The following EZH2 variants were observed in gnomAD, a reference collection of about 807,000 sequenced individuals.
EZH2 encodes the protein enhancer of zeste 2 polycomb repressive complex 2 subunit.
EZH2 carries 18 observed loss-of-function variants against 98.4 expected under a neutral mutation model. The observed-to-expected ratio is 0.18, with a 90% CI of 0.13 to 0.27. The LOEUF (loss-of-function observed/expected upper bound fraction) is 0.27. Ranked by LOEUF, EZH2 falls within the 10% of genes least tolerant of loss-of-function variation. The pLI is 1.00. For missense variants in EZH2, 470 were observed against 935.1 expected (o/e 0.50, Z 6.49); for synonymous variants, 338 against 312.3 (o/e 1.08, Z -0.87).
Position 148,828,753 on chromosome 7 carries a change from C to A in EZH2, c.612G>T (p.Glu204Asp). 1 of 1,613,412 alleles carries A rather than the reference C, an allele frequency of 6.2e-7. No individual in the cohort carries two copies. The highest frequency in any genetic ancestry group is 8.5e-7 in the Non-Finnish European group (1 of 1,179,912). The change falls in exon 6 of 20, where the codon GAG becomes GAT. Residue 204 changes from glutamate to aspartate, a missense_variant. Transcript: ENST00000320356. ...AATCAGGCATACCATCTCGGTGATC[C>A]TCCAGATCTTTCTGCTTTTCTTCTC... ...EEREEKQKDLEDHRDDKESRP... is the reference protein window; with the variant it reads ...EEREEKQKDLDDHRDDKESRP...
At position 148,807,522 on chromosome 7, in the gene EZH2, T is replaced by G; in HGVS notation, c.*124A>C. 2 of 761,820 alleles carry G rather than the reference T, an allele frequency of 2.6e-6. No individual in the cohort carries two copies. Among genetic ancestry groups the G allele is most frequent in the Non-Finnish European group, 4.4e-6 (2 of 452,178 alleles). 47.2% of individuals were successfully genotyped at this position (761,820 alleles called of 1,614,324 possible). On this transcript the variant is annotated 3_prime_UTR_variant, in exon 20 of 20. Transcript: ENST00000320356. ...TTTTAAACTCATTACTATAAATTAT[T>G]CTTACAGTACTTTGCAAATTCAGAA...
At chr7:148,869,163 A>G (rs895563981) in intron 1 of EZH2, among the ~76,000 whole-genome samples, 1 of 144,470 alleles carries the variant, frequency 6.9e-6, no homozygotes, top group African/African-American at 2.9e-5. Context: ...AACTTGATAA[A>G]GAATTTGGGA....
At chr7:148,845,909 T>G (rs754214742) in intron 3 of EZH2, among the ~76,000 whole-genome samples, 13 of 152,196 alleles carry the variant, frequency 8.5e-5, no homozygotes, top group Non-Finnish European at 1.3e-4. Context: ...TAATTATAGA[T>G]TCTACCATAG....
rs146258060 is a variant in EZH2 at position 148,835,860 on chromosome 7, T to C, written c.247-3110A>G. 1.1e-4 allele frequency among the ~76,000 whole-genome samples: 16 copies of C among 152,330 alleles called. No homozygotes were observed. In the East Asian group the frequency reaches 2.9e-3, roughly 28 times the overall value. Reference sequence around the variant, plus strand: ...AAGAAGGAGCATTGGCTTTGCTTCATCTATGGTTGCTCTAGTGATACAGCA... The same window carrying C: ...AAGAAGGAGCATTGGCTTTGCTTCACCTATGGTTGCTCTAGTGATACAGCA... On this transcript the variant is annotated intron_variant, in intron 3 of 19. Coordinates refer to ENST00000320356, the MANE Select transcript of EZH2 (RefSeq NM_004456.5).
At chr7:148,810,092 G>A in intron 17 of EZH2, 3 of 393,996 alleles carry the variant, frequency 7.6e-6, no homozygotes, top group Non-Finnish European at 1.4e-5. Context: ...CCAGATGCTG[G>A]GATAGTGCCA....
chr7:148,866,674 G>A (rs1269842482), intron 1 of EZH2, among the ~76,000 whole-genome samples: 2 of 144,040 alleles, frequency 1.4e-5, no homozygotes, highest in African/African-American at 2.6e-5. Context: ...GCATATATAT[G>A]TACGTATATG....
rs770102474 is a variant in EZH2, at chr7:148,817,938, C to G, written c.1179G>C (p.Thr393=). The change falls in exon 10 of 20, where the codon ACG becomes ACC. Residue 393 remains threonine, a synonymous_variant. Coordinates refer to ENST00000320356, the MANE Select transcript of EZH2 (RefSeq NM_004456.5). ...CTTCTTTATCATTGTTCTCTCCCCC[C>G]GTTTCAGTCCCTGCTTCCCTATCAC... ...TDSDREAGTE[T]GGENNDKEEE... is the part of the protein sequence containing the mutation. 3.9e-5 allele frequency: 63 copies of G among 1,614,032 alleles called. No homozygotes were observed. Among genetic ancestry groups the G allele is most frequent in the South Asian group, 3.4e-4 (31 of 91,080 alleles).
At chr7:148,825,212 A>T (rs1219175722) in intron 8 of EZH2, among the ~76,000 whole-genome samples, 7 of 152,214 alleles carry the variant, frequency 4.6e-5, no homozygotes, top group Admixed American at 4.6e-4. Context: ...GTAATTCATA[A>T]ATTCATGGTG....
chr7:148,866,914 A>G (rs1357851132), intron 1 of EZH2, among the ~76,000 whole-genome samples: 1 of 149,732 alleles, frequency 6.7e-6, no homozygotes, highest in Non-Finnish European at 1.5e-5. Context: ...GGGTTTCACC[A>G]TGTTGGCCAG....
chr7:148,874,437 T>A (rs1819897080), intron 1 of EZH2, among the ~76,000 whole-genome samples: 1 of 151,756 alleles, frequency 6.6e-6, no homozygotes, highest in East Asian at 1.9e-4. Context: ...TAATACTAAT[T>A]CAGAGAGTTT....
chr7:148,813,343 A>G (rs1294856067), intron 15 of EZH2, among the ~76,000 whole-genome samples: 1 of 152,034 alleles, frequency 6.6e-6, no homozygotes, highest in Non-Finnish European at 1.5e-5. Flanking sequence ...AAAAAAAAAA[A>G]AGATACGAAA....
chr7:148,814,400 CTGGA>C (rs2129469942), intron 14 of EZH2, among the ~76,000 whole-genome samples: 1 of 152,270 alleles, frequency 6.6e-6, no homozygotes, highest in Non-Finnish European at 1.5e-5. Flanking sequence ...AATAAAGGGT[CTGGA>C]TGGAACAATA....
intron 8 of EZH2, among the ~76,000 whole-genome samples, chr7:148,820,239 C>T (rs1043475948): frequency 1.3e-5 from 2 of 152,040 alleles, no homozygotes; most frequent in African/African-American, 4.8e-5. Flanking sequence ...CAGAAAATTA[C>T]AATGTCAAAA....
At chr7:148,848,731 C>G (rs1026683368) in intron 1 of EZH2, among the ~76,000 whole-genome samples, 2 of 152,244 alleles carry the variant, frequency 1.3e-5, no homozygotes, top group African/African-American at 4.8e-5. Flanking sequence ...TTATTAAATC[C>G]TTGCCCCTAT....
intron 8 of EZH2, 24 bp downstream of exon 8, chr7:148,826,430 C>T (rs772193985): frequency 6.6e-7 from 1 of 1,526,056 alleles, no homozygotes; most frequent in East Asian, 2.3e-5. Flanking sequence ...AATTCCACAA[C>T]AAAGATAGAA....
At chr7:148,811,434 G>A (rs892887726) in intron 16 of EZH2, among the ~76,000 whole-genome samples, 191 bp downstream of exon 16, 16 of 152,044 alleles carry the variant, frequency 1.1e-4, no homozygotes, top group East Asian at 3.9e-4. Context: ...TGCAGGAGTC[G>A]GCCACCGCGC....
At chr7:148,878,569 T>C (rs1297624222) in intron 1 of EZH2, among the ~76,000 whole-genome samples, 2 of 152,212 alleles carry the variant, frequency 1.3e-5, no homozygotes, top group Non-Finnish European at 2.9e-5. Flanking sequence ...TTTTGTTAAT[T>C]CGCCTGTTGG....
intron 3 of EZH2, among the ~76,000 whole-genome samples, chr7:148,833,335 T>C (rs1452571049): frequency 6.6e-6 from 1 of 151,472 alleles, no homozygotes; most frequent in East Asian, 1.9e-4. Flanking sequence ...CGCGCGCCTG[T>C]AGTCCCAGCT....
At chr7:148,829,011 G>A (rs941077484) in intron 5 of EZH2, 131 bp from the exon 6 acceptor site, 4 of 911,882 alleles carry the variant, frequency 4.4e-6, no homozygotes, top group East Asian at 2.8e-5. Flanking sequence ...TGAAATGAGG[G>A]GAGGAAAAGA....
Sources: gnomAD v4.1 joint callset for allele counts (sites outside exome capture counted in the v4.1 genomes callset) on GRCh38, gnomAD v4.1.1 for gene constraint, MANE v1.5 for transcripts, NCBI Gene and HGNC (gene_info 2026-07-23, HGNC 2026-07-21) for gene names.